Variants in PPP2R2B observed in about 807,000 individuals in gnomAD.
PPP2R2B encodes the protein serine/threonine-protein phosphatase 2A 55 kDa regulatory subunit B beta isoform.
PPP2R2B carries 5 observed loss-of-function variants against 46.0 expected under a neutral mutation model. That is an observed-to-expected ratio of 0.11 (90% CI 0.06 to 0.23). PPP2R2B has a LOEUF of 0.23. PPP2R2B is among the 10% of genes least tolerant of loss of function. The pLI, the probability that PPP2R2B is intolerant of heterozygous loss-of-function variation, is 1.00. For synonymous variants in PPP2R2B, 215 were observed against 206.7 expected (o/e 1.04, Z -0.34); for missense variants, 367 against 575.0 (o/e 0.64, Z 3.70).
At position 146,851,671 on chromosome 5, in the gene PPP2R2B, A is replaced by C. The variant is rs550478937; in HGVS notation, c.70+26331T>G. Among the ~76,000 whole-genome samples the C allele has an allele frequency of 2.3e-3, 347 of 152,276 alleles. 1 individual carries two copies. The highest frequency in any genetic ancestry group is 8.1e-3 in the African/African-American group (336 of 41,578). On this transcript the variant is annotated intron_variant, in intron 2 of 9. Transcript: ENST00000394411. ...TCACTTTCTCAAATTAAATAAGTGT[A>C]GGCAAAACACAAGGTATACCTTTTC...
intron 6 of PPP2R2B, among the ~76,000 whole-genome samples, chr5:146,638,644 A>G (rs995054553): frequency 6.6e-6 from 1 of 151,958 alleles, no homozygotes; most frequent in African/African-American, 2.4e-5. Flanking sequence ...AGGTCTCTTG[A>G]CTCCTCATTT....
intron 1 of PPP2R2B, among the ~76,000 whole-genome samples, chr5:146,910,286 C>T (rs1763134499): frequency 6.6e-6 from 1 of 152,206 alleles, no homozygotes; most frequent in African/African-American, 2.4e-5. Context: ...GAAGGCTATA[C>T]AGCTATGGAT....
rs747516563 is a variant in PPP2R2B at position 146,894,648 on chromosome 5, C to T, written c.79+161017G>A. On this transcript the variant is annotated intron_variant, in intron 1 of 8. Coordinates refer to the PPP2R2B transcript ENST00000336640. ...AGAAACGGGGTCTTCCCATGTTGCC[C>T]AGGCTGGTCTTAAACTCCAGGGCTC... Among the ~76,000 whole-genome samples the T allele has an allele frequency of 1.2e-3, 176 of 152,248 alleles. 1 individual carries two copies. The highest frequency in any genetic ancestry group is 3.8e-4 in the Non-Finnish European group (26 of 68,020).
intron 1 of PPP2R2B, among the ~76,000 whole-genome samples, chr5:146,941,250 A>G (rs1035222113): frequency 3.9e-5 from 6 of 152,172 alleles, no homozygotes; most frequent in East Asian, 3.9e-4. Context: ...TCTGTTCACA[A>G]TGCATTCTGG....
intron 1 of PPP2R2B, among the ~76,000 whole-genome samples, chr5:146,889,556 T>G (rs914480496): frequency 5.3e-5 from 8 of 152,134 alleles, no homozygotes; most frequent in Non-Finnish European, 7.4e-5. Flanking sequence ...AGGGGGGTAA[T>G]GCATGAGGTC....
At chr5:146,724,852 TA>T (rs1464589336) in intron 2 of PPP2R2B, among the ~76,000 whole-genome samples, 3 of 152,182 alleles carry the variant, frequency 2.0e-5, no homozygotes, top group African/African-American at 7.2e-5. Context: ...TTAATCATCA[TA>T]ATTCCTAGTG....
At chr5:146,938,116 A>G (rs1225649171) in intron 1 of PPP2R2B, among the ~76,000 whole-genome samples, 1 of 152,206 alleles carries the variant, frequency 6.6e-6, no homozygotes, top group East Asian at 1.9e-4. Flanking sequence ...ACCGTATTTC[A>G]TGGATTCCAA....
chr5:146,999,418 A>C (rs1251335684), intron 1 of PPP2R2B, among the ~76,000 whole-genome samples: 1 of 152,124 alleles, frequency 6.6e-6, no homozygotes, highest in Non-Finnish European at 1.5e-5. Context: ...GCATATTACA[A>C]TCCACTTTGG....
chr5:146,938,925 C>T (rs754650731), intron 1 of PPP2R2B, among the ~76,000 whole-genome samples: 25 of 151,658 alleles, frequency 1.6e-4, no homozygotes, highest in Non-Finnish European at 1.8e-4. Flanking sequence ...GGACTACAGG[C>T]GCATGCTGCC....
intron 7 of PPP2R2B, among the ~76,000 whole-genome samples, chr5:146,633,927 C>T (rs1774612556): frequency 6.6e-6 from 1 of 152,184 alleles, no homozygotes; most frequent in African/African-American, 2.4e-5. Context: ...CCAGCACATG[C>T]CTCTCTTTTA....
chr5:146,698,246 A>C, intron 3 of PPP2R2B, 102 bp from the exon 4 acceptor site: 1 of 748,462 alleles, frequency 1.3e-6, no homozygotes, highest in Non-Finnish European at 1.9e-6. Flanking sequence ...GGGTGGGATG[A>C]GGGCAGGGCC....
At chr5:147,061,341 G>T (rs1757251312) in intron 2 of PPP2R2B, among the ~76,000 whole-genome samples, 1 of 152,076 alleles carries the variant, frequency 6.6e-6, no homozygotes, top group African/African-American at 2.4e-5. Flanking sequence ...TGGAGGAGGT[G>T]ACATTTGAGC....
At chr5:146,701,901 T>C (rs967565372) in intron 2 of PPP2R2B, among the ~76,000 whole-genome samples, 2 of 152,126 alleles carry the variant, frequency 1.3e-5, no homozygotes, top group Non-Finnish European at 2.9e-5. Context: ...GCCAAGTCTT[T>C]CTTCTATGCT....
At chr5:146,797,691 T>C (rs570633091) in intron 2 of PPP2R2B, among the ~76,000 whole-genome samples, 1 of 152,372 alleles carries the variant, frequency 6.6e-6, no homozygotes, top group Admixed American at 6.5e-5. Flanking sequence ...AGTAACTGTC[T>C]GGTGAGCTCC....
chr5:146,739,633 G>T (rs371726779), intron 2 of PPP2R2B, among the ~76,000 whole-genome samples: 2 of 152,250 alleles, frequency 1.3e-5, no homozygotes, highest in East Asian at 3.9e-4. Context: ...ATAGGAAGAG[G>T]ATGCATCAAA....
chr5:146,840,927 T>C (rs530386424), intron 2 of PPP2R2B, among the ~76,000 whole-genome samples: 1 of 152,334 alleles, frequency 6.6e-6, no homozygotes, highest in African/African-American at 2.4e-5. Flanking sequence ...TACATCTACC[T>C]TTAGGGAGGC....
intron 1 of PPP2R2B, among the ~76,000 whole-genome samples, chr5:146,939,396 C>T (rs551957022): frequency 1.1e-4 from 17 of 152,174 alleles, no homozygotes; most frequent in Non-Finnish European, 2.4e-4. Flanking sequence ...CAAGGTCCTG[C>T]GAGTGGGAAA....
chr5:146,923,984 C>A (rs185303258), intron 1 of PPP2R2B, among the ~76,000 whole-genome samples: 237 of 152,234 alleles, frequency 1.6e-3, no homozygotes, highest in Middle Eastern at 3.4e-3. Flanking sequence ...AACAGAAAAC[C>A]AAGTACAGCA....
chr5:146,997,678 TTAAGC>T (rs556096320), intron 1 of PPP2R2B, among the ~76,000 whole-genome samples: 1 of 152,232 alleles, frequency 6.6e-6, no homozygotes, highest in South Asian at 2.1e-4. Context: ...ATTCATTATT[TTAAGC>T]TAACAGTAGA....
Sources: gnomAD v4.1 joint callset for allele counts (sites outside exome capture counted in the v4.1 genomes callset) on GRCh38, gnomAD v4.1.1 for gene constraint, MANE v1.5 for transcripts, NCBI Gene and HGNC (gene_info 2026-07-23, HGNC 2026-07-21) for gene names.